SYNPR: variants seen among roughly 807,000 people sequenced by gnomAD.
The protein encoded by SYNPR is synaptoporin.
SYNPR carries 23 observed loss-of-function variants against 32.9 expected under a neutral mutation model. That is an observed-to-expected ratio of 0.70 (90% CI 0.50 to 0.99). The LOEUF is 0.99. Among genes scored for constraint, SYNPR ranks in the 50% least tolerant of loss-of-function variants. The pLI is 0.00. For synonymous variants in SYNPR, 146 were observed against 135.9 expected (o/e 1.07, Z -0.52); for missense variants, 318 against 349.3 (o/e 0.91, Z 0.71).
intron 1 of SYNPR, among the ~76,000 whole-genome samples, chr3:63,229,709 GTATTAT>G (rs1287426315): frequency 6.6e-6 from 1 of 151,926 alleles, no homozygotes; most frequent in Admixed American, 6.6e-5. Flanking sequence ...ATATTTATCA[GTATTAT>G]TATTATTCAC....
intron 5 of SYNPR, among the ~76,000 whole-genome samples, chr3:63,614,804 T>C (rs1700253507): frequency 2.0e-5 from 3 of 152,192 alleles, no homozygotes; most frequent in African/African-American, 7.2e-5. Context: ...CTGGAAATAA[T>C]CTTACACACC....
In SYNPR at chr3:63,551,385, C is replaced by T. The variant is rs146275468; in HGVS notation, c.210-5158C>T. The stretch of plus-strand genomic sequence containing the variant: ...TAATGCTGCTGTGAACACTCTTGTA[C>T]AAGATTTTGTGTAGACAAATGTTAT... On this transcript the variant is annotated intron_variant, in intron 3 of 5. Transcript: ENST00000478300. Among the ~76,000 whole-genome samples the T allele has an allele frequency of 8.1e-4, 124 of 152,210 alleles. No homozygotes were observed. The East Asian group carries it at 0.011, about 13-fold the overall frequency.
chr3:63,278,099 C>T (rs1016890110), upstream of SYNPR: 2 of 159,732 alleles, frequency 1.3e-5, no homozygotes, highest in Non-Finnish European at 2.7e-5. Context: ...GTGCCAAGCC[C>T]GCTTTCCCAA....
intron 3 of SYNPR, among the ~76,000 whole-genome samples, chr3:63,540,335 A>C (rs1036980549): frequency 6.6e-6 from 1 of 152,124 alleles, no homozygotes; most frequent in African/African-American, 2.4e-5. Flanking sequence ...CACAGCAAGG[A>C]AGTGGTGGAG....
intron 2 of SYNPR, among the ~76,000 whole-genome samples, chr3:63,438,851 G>C (rs1700125974): frequency 6.6e-6 from 1 of 152,174 alleles, no homozygotes; most frequent in Admixed American, 6.5e-5. Context: ...AATGGAAGAG[G>C]CTTGGCTAAC....
At chr3:63,404,304 G>T (rs2088330496) in intron 2 of SYNPR, among the ~76,000 whole-genome samples, 1 of 152,192 alleles carries the variant, frequency 6.6e-6, no homozygotes, top group Non-Finnish European at 1.5e-5. Context: ...GAAGAGAGCA[G>T]CCTGTTACTA....
At chr3:63,422,475 C>T (rs906272689) in intron 2 of SYNPR, among the ~76,000 whole-genome samples, 4 of 152,080 alleles carry the variant, frequency 2.6e-5, no homozygotes, top group African/African-American at 7.3e-5. Context: ...TTAGAGGTGA[C>T]GGAAATCTTC....
At chr3:63,396,045 A>G (rs1364368680) in intron 2 of SYNPR, among the ~76,000 whole-genome samples, 1 of 152,208 alleles carries the variant, frequency 6.6e-6, no homozygotes, top group Non-Finnish European at 1.5e-5. Flanking sequence ...ATAACCACAC[A>G]GGCACAACCA....
chr3:63,206,031 C>G, the SYNPR span, among the ~76,000 whole-genome samples: 1 of 152,166 alleles, frequency 6.6e-6, no homozygotes, highest in Non-Finnish European at 1.5e-5. Flanking sequence ...TCTGTTTTCC[C>G]CTCTATAGAA....
chr3:63,559,136 C>T (rs1213050509), intron 4 of SYNPR, among the ~76,000 whole-genome samples: 3 of 148,282 alleles, frequency 2.0e-5, no homozygotes, highest in East Asian at 2.0e-4. Context: ...GGAGCGATCT[C>T]GGCTCACTTC....
intron 4 of SYNPR, among the ~76,000 whole-genome samples, chr3:63,578,968 C>T (rs1703041214): frequency 6.6e-6 from 1 of 152,056 alleles, no homozygotes; most frequent in Admixed American, 6.6e-5. Flanking sequence ...TCCTCTACAC[C>T]CTTAAATCAA....
chr3:63,615,491 A>C lies in SYNPR; in HGVS notation c.*10A>C. Reference sequence around the variant, plus strand: ...TACCAATCAGATTTAACAGAGTAGCATTTGCATTCTTCTGCAGTCGCCTCA... The same window carrying C: ...TACCAATCAGATTTAACAGAGTAGCCTTTGCATTCTTCTGCAGTCGCCTCA... On this transcript the variant is annotated 3_prime_UTR_variant, in exon 6 of 6. Coordinates refer to ENST00000478300, the MANE Select transcript of SYNPR (RefSeq NM_001130003.2). The C allele has an allele frequency of 6.2e-7, 1 of 1,608,276 alleles. No homozygotes were observed. The highest frequency in any genetic ancestry group is 8.5e-7 in the Non-Finnish European group (1 of 1,176,040).
At chr3:63,477,944 G>A (rs1407960865) in intron 2 of SYNPR, among the ~76,000 whole-genome samples, 1 of 152,136 alleles carries the variant, frequency 6.6e-6, no homozygotes, top group Non-Finnish European at 1.5e-5. Context: ...CTCTAAACTT[G>A]CTAAGTCATG....
intron 3 of SYNPR, among the ~76,000 whole-genome samples, chr3:63,494,424 T>TATATACAC (rs1559516292): frequency 7.2e-6 from 1 of 139,728 alleles, no homozygotes; most frequent in Non-Finnish European, 1.5e-5. Context: ...TATACGTATA[T>TATATACAC]ATATATATAC....
chr3:63,433,116 G>C (rs1046226471), intron 2 of SYNPR, among the ~76,000 whole-genome samples: 5 of 152,306 alleles, frequency 3.3e-5, no homozygotes, highest in African/African-American at 1.2e-4. Context: ...ATAACAGAAA[G>C]GGTGGAAGCT....
intron 2 of SYNPR, among the ~76,000 whole-genome samples, chr3:63,296,481 G>C (rs939329676): frequency 2.6e-5 from 4 of 152,144 alleles, no homozygotes; most frequent in Non-Finnish European, 5.9e-5. Context: ...TCTGGTGGAT[G>C]AATGAGAAAT....
At chr3:63,226,420 T>C (rs1251263431), upstream of SYNPR, among the ~76,000 whole-genome samples, 1 of 152,188 alleles carries the variant, frequency 6.6e-6, no homozygotes, top group African/African-American at 2.4e-5. Flanking sequence ...ATTGCAGCAC[T>C]ATTCACAATA....
intron 2 of SYNPR, among the ~76,000 whole-genome samples, chr3:63,392,604 T>C (rs577672873): frequency 6.6e-6 from 1 of 152,172 alleles, no homozygotes; most frequent in Non-Finnish European, 1.5e-5. Context: ...GAAAGCAGTA[T>C]TGTCATTATC....
chr3:63,317,727 T>C (rs1329614290), intron 2 of SYNPR, among the ~76,000 whole-genome samples: 7 of 152,102 alleles, frequency 4.6e-5, no homozygotes, highest in African/African-American at 1.4e-4. Context: ...CCATTTATAT[T>C]CAACGGTAGT....
Sources: gnomAD v4.1 joint callset for allele counts (sites outside exome capture counted in the v4.1 genomes callset) on GRCh38, gnomAD v4.1.1 for gene constraint, MANE v1.5 for transcripts, NCBI Gene and HGNC (gene_info 2026-07-23, HGNC 2026-07-21) for gene names.